Variants in NPEPPS observed in about 807,000 individuals in gnomAD.
NPEPPS encodes puromycin-sensitive aminopeptidase.
In NPEPPS, 14 loss-of-function variants were observed where a neutral mutation model predicts 115.5. The ratio of observed to expected loss-of-function variants is 0.12; its 90% CI spans 0.08 to 0.19. The LOEUF (loss-of-function observed/expected upper bound fraction) is 0.19. Among genes scored for constraint, NPEPPS ranks in the 10% least tolerant of loss-of-function variants. NPEPPS has a pLI of 1.00. For synonymous variants in NPEPPS, 285 were observed against 390.6 expected (o/e 0.73, Z 3.19); for missense variants, 523 against 1,110.8 (o/e 0.47, Z 7.52).
At chr17:47,610,566 T>G (rs1048825392) in intron 17 of NPEPPS, among the ~76,000 whole-genome samples, 1 of 151,842 alleles carries the variant, frequency 6.6e-6, no homozygotes, top group Non-Finnish European at 1.5e-5. Flanking sequence ...GTATTATTAG[T>G]AGACATGGGG....
chr17:47,590,436 G>T (rs1912430053), intron 9 of NPEPPS, among the ~76,000 whole-genome samples: 1 of 145,272 alleles, frequency 6.9e-6, no homozygotes, highest in Non-Finnish European at 1.5e-5. Context: ...CCAGCCTGGT[G>T]ACAAAACAAG....
intron 3 of NPEPPS, among the ~76,000 whole-genome samples, chr17:47,571,236 G>A (rs188434582): frequency 1.3e-5 from 2 of 152,212 alleles, no homozygotes; most frequent in African/African-American, 4.8e-5. Flanking sequence ...CAAGTAAAAT[G>A]ATAGTTATGT....
intron 3 of NPEPPS, among the ~76,000 whole-genome samples, chr17:47,576,463 G>A (rs1309868145): frequency 1.3e-5 from 2 of 152,210 alleles, no homozygotes; most frequent in Admixed American, 1.3e-4. Context: ...CTGCACTTTA[G>A]CCTGGGTGAC....
intron 16 of NPEPPS, 25 bp from the exon 17 acceptor site, chr17:47,605,308 T>A: frequency 6.5e-7 from 1 of 1,529,564 alleles, no homozygotes; most frequent in Non-Finnish European, 8.9e-7. Context: ...AAGACTAGGT[T>A]AATTTATGTT....
intron 1 of NPEPPS, among the ~76,000 whole-genome samples, chr17:47,532,658 CAAAAAAAAAA>C (rs898672269): frequency 7.8e-5 from 4 of 51,442 alleles, no homozygotes; most frequent in East Asian, 5.8e-4. Flanking sequence ...GACTCCGTCT[CAAAAAAAAAA>C]AAAAAAAAAA....
intron 19 of NPEPPS, among the ~76,000 whole-genome samples, 192 bp downstream of exon 19, chr17:47,613,917 C>T (rs1456129615): frequency 6.6e-6 from 1 of 151,826 alleles, no homozygotes; most frequent in Non-Finnish European, 1.5e-5. Context: ...AGTATGATGC[C>T]AAAGACATCT....
rs2144006500 is a variant in NPEPPS at position 47,622,565 on chromosome 17, C to CA, written c.*651dup. On this transcript the variant is annotated 3_prime_UTR_variant, in exon 23 of 23. Coordinates refer to ENST00000322157, the MANE Select transcript of NPEPPS (RefSeq NM_006310.4). ...CCCTTGGCCAAAAAAAAACAAAAAG[C>CA]AAAAAACAAAAACCTACCCTGTTCT... is the stretch of plus-strand genomic sequence containing the variant. 1 of 242,994 alleles carries CA rather than the reference C, an allele frequency of 4.1e-6. No individual in the cohort carries two copies. The highest frequency in any genetic ancestry group is 1.6e-4 in the East Asian group (1 of 6,296). 15.1% of individuals were successfully genotyped at this position (242,994 alleles called of 1,614,324 possible). A position where few individuals can be genotyped will look rare whatever the true frequency, so the allele number is the denominator to read the frequency against.
chr17:47,600,102 G>C (rs1913101180), intron 14 of NPEPPS, among the ~76,000 whole-genome samples: 1 of 152,136 alleles, frequency 6.6e-6, no homozygotes, highest in Middle Eastern at 3.2e-3. Flanking sequence ...ACAGGTGTGA[G>C]TCACTGTGCC....
At chr17:47,620,643 T>C (rs1914509572) in intron 22 of NPEPPS, among the ~76,000 whole-genome samples, 1 of 152,192 alleles carries the variant, frequency 6.6e-6, no homozygotes, top group African/African-American at 2.4e-5. Context: ...TTAGGAGCCT[T>C]GGAACAGTAG....
chr17:47,570,916 C>T (rs1160274074), intron 3 of NPEPPS, among the ~76,000 whole-genome samples: 1 of 152,154 alleles, frequency 6.6e-6, no homozygotes, highest in Admixed American at 6.5e-5. Flanking sequence ...ATGTTCATGT[C>T]CTTTGACCCA....
At chr17:47,570,621 C>T (rs1177979402) in intron 3 of NPEPPS, among the ~76,000 whole-genome samples, 3 of 152,054 alleles carry the variant, frequency 2.0e-5, no homozygotes, top group Non-Finnish European at 4.4e-5. Flanking sequence ...ACTTTCTGAG[C>T]TTAGTGTATG....
rs1171397718 is a variant in NPEPPS at position 47,594,757 on chromosome 17, C to T, written c.1427-1596C>T. Among the ~76,000 whole-genome samples, 9 of 151,444 alleles carry T rather than the reference C, an allele frequency of 5.9e-5. No individual in the cohort carries two copies. The East Asian group carries it at 7.8e-4, about 13-fold the overall frequency. ...AGGCCATTCTCCTGCCTCAGCCTCC[C>T]GAGTAGCTGGGACTACAGGCGCCCG... On this transcript the variant is annotated intron_variant, in intron 12 of 22. Coordinates refer to ENST00000322157, the MANE Select transcript of NPEPPS (RefSeq NM_006310.4).
At chr17:47,556,849 G>A (rs1041596156) in intron 2 of NPEPPS, among the ~76,000 whole-genome samples, 1 of 152,194 alleles carries the variant, frequency 6.6e-6, no homozygotes, top group Non-Finnish European at 1.5e-5. Flanking sequence ...TCCCCACGTT[G>A]GCCAGGCTGG....
intron 2 of NPEPPS, among the ~76,000 whole-genome samples, chr17:47,565,819 CAA>C (rs144501965): frequency 1.2e-4 from 13 of 112,800 alleles, no homozygotes; most frequent in Admixed American, 2.7e-4. Context: ...GACCCTGTCT[CAA>C]AAAAAAAAAA....
In NPEPPS at chr17:47,605,404, T is replaced by C. The variant is rs752459141; in HGVS notation, c.1947T>C (p.Tyr649=). The stretch of plus-strand genomic sequence containing the variant: ...AGGCTTTTGTGAATGAGCCCAATTA[T>C]ACTGTATGGAGCGACCTGAGCTGTA... The part of the protein sequence containing the change: ...VMEAFVNEPN[Y]TVWSDLSCNL... Residue 649 remains tyrosine, a synonymous_variant, in exon 17 of 23, where the codon TAT becomes TAC. Coordinates refer to ENST00000322157, the MANE Select transcript of NPEPPS (RefSeq NM_006310.4). The C allele has an allele frequency of 5.0e-6, 8 of 1,611,372 alleles. No individual in the cohort carries two copies. The highest frequency in any genetic ancestry group is 4.5e-5 in the East Asian group (2 of 44,856).
At chr17:47,619,883 C>T (rs1244266415) in intron 22 of NPEPPS, 99 bp downstream of exon 22, 14 of 990,820 alleles carry the variant, frequency 1.4e-5, no homozygotes, top group Non-Finnish European at 2.2e-5. Context: ...TGTAGCATCT[C>T]TGTGTTTTTG....
At chr17:47,524,399 C>G (rs180677251) in intron 1 of NPEPPS, among the ~76,000 whole-genome samples, 14,379 of 151,994 alleles carry the variant, frequency 0.095, 905 homozygotes, top group Middle Eastern at 0.14. Flanking sequence ...TCATAGCTTA[C>G]TGCAGCCTCA....
At chr17:47,549,706 A>G (rs8065456) in intron 2 of NPEPPS, among the ~76,000 whole-genome samples, 148,038 of 148,144 alleles carry the variant, frequency 1, 73,966 homozygotes, top group Middle Eastern at 1. Flanking sequence ...GCCTGAACCC[A>G]GGAGGCGGAA....
intron 4 of NPEPPS, chr17:47,579,930 C>CGTGTGTGTGTGTGTGTGT (rs10591746): frequency 6.8e-6 from 1 of 146,258 alleles, no homozygotes; most frequent in African/African-American, 2.7e-5. Flanking sequence ...TTTTTTTCTC[C>CGTGTGTGTGTGTGTGTGT]GTGTGTGTGT....
Sources: gnomAD v4.1 joint callset for allele counts (sites outside exome capture counted in the v4.1 genomes callset) on GRCh38, gnomAD v4.1.1 for gene constraint, MANE v1.5 for transcripts, NCBI Gene and HGNC (gene_info 2026-07-23, HGNC 2026-07-21) for gene names.